The following EHMT1 variants were observed in gnomAD, a reference collection of about 807,000 sequenced individuals.
EHMT1 encodes the protein histone-lysine N-methyltransferase EHMT1.
EHMT1 carries 15 observed loss-of-function variants against 147.2 expected under a neutral mutation model. That is an observed-to-expected ratio of 0.10 (90% CI 0.07 to 0.16). The LOEUF is 0.16. Among genes scored for constraint, EHMT1 ranks in the 10% least tolerant of loss-of-function variants. EHMT1 has a pLI of 1.00. For synonymous variants in EHMT1, 795 were observed against 709.6 expected, an observed-to-expected ratio of 1.12 and a Z score of -1.91; for missense variants, 1,587 against 1,772.4, an observed-to-expected ratio of 0.90 and a Z score of 1.88.
At chr9:137,706,374 TG>T (rs957871942) in intron 1 of EHMT1, among the ~76,000 whole-genome samples, 6 of 152,258 alleles carry the variant, frequency 3.9e-5, no homozygotes, top group African/African-American at 1.4e-4. Flanking sequence ...AACACAATTT[TG>T]TTTTAACTAA....
At chr9:137,740,518 G>A (rs910877145) in intron 4 of EHMT1, among the ~76,000 whole-genome samples, 6 of 152,186 alleles carry the variant, frequency 3.9e-5, no homozygotes, top group Admixed American at 3.9e-4. Context: ...CAGCCGTCTG[G>A]CTCAGGGCCA....
intron 1 of EHMT1, among the ~76,000 whole-genome samples, chr9:137,625,245 C>T (rs1843182342): frequency 6.6e-6 from 1 of 152,218 alleles, no homozygotes; most frequent in Non-Finnish European, 1.5e-5. Flanking sequence ...AGGATCGTTG[C>T]ATCCGTGATT....
In EHMT1 at chr9:137,816,071, C is replaced by G. The variant is rs765227211; in HGVS notation, c.3374+9C>G. The stretch of plus-strand genomic sequence containing the variant: ...GTACAGAATGGTCTCAGGTGAGAGG[C>G]AGCTTCCTGCCGGAGCCCCACATTC... On this transcript the variant is annotated intron_variant, in intron 23 of 26. Transcript: ENST00000460843. The G allele has an allele frequency of 1.4e-5, 23 of 1,604,968 alleles. No homozygotes were observed. Among genetic ancestry groups the G allele is most frequent in the Non-Finnish European group, 1.9e-5 (22 of 1,175,280 alleles).
intron 1 of EHMT1, among the ~76,000 whole-genome samples, chr9:137,707,088 C>G (rs545596937): frequency 6.6e-6 from 1 of 152,252 alleles, no homozygotes; most frequent in Admixed American, 6.5e-5. Flanking sequence ...GCCTCCCAAA[C>G]TGCTGAGATT....
At chr9:137,705,043 A>AGT (rs1944148358) in intron 1 of EHMT1, among the ~76,000 whole-genome samples, 1 of 146,594 alleles carries the variant, frequency 6.8e-6, no homozygotes, top group Non-Finnish European at 1.5e-5. Flanking sequence ...GCTGGAGTGC[A>AGT]GTGGTACAAC....
At chr9:137,724,962 CATGGGG>C (rs1294845025) in intron 3 of EHMT1, among the ~76,000 whole-genome samples, 14 of 145,824 alleles carry the variant, frequency 9.6e-5, no homozygotes, top group African/African-American at 3.1e-4. Context: ...GTGTGGCATT[CATGGGG>C]CATTCGTGTG....
intron 1 of EHMT1, among the ~76,000 whole-genome samples, chr9:137,643,343 T>G (rs972280313): frequency 1.4e-5 from 2 of 147,824 alleles, no homozygotes; most frequent in Non-Finnish European, 3.0e-5. Context: ...AAAGGTTTTT[T>G]TTTTTTTTTT....
rs1482771253 is a variant in EHMT1 at position 137,782,191 on chromosome 9, A to C, written c.2276-100A>C. 4.4e-6 allele frequency: 5 copies of C among 1,147,236 alleles called. No homozygotes were observed. Among genetic ancestry groups the C allele is most frequent in the Non-Finnish European group, 5.1e-6 (4 of 785,508 alleles). 71.1% of individuals were successfully genotyped at this position (1,147,236 alleles called of 1,614,324 possible). A position where few individuals can be genotyped will look rare whatever the true frequency, so the allele number is the denominator to read the frequency against. ...TGGCTCGAGGTGGCTGTTTATGTGG[A>C]GGATGGTCATTTGTGAGTGCTTGCC... On this transcript the variant is annotated intron_variant, in intron 14 of 26. Coordinates refer to ENST00000460843, the MANE Select transcript of EHMT1 (RefSeq NM_024757.5). The surrounding 1 kb of genome is among the most constrained non-coding windows in gnomAD (Gnocchi z 5.7).
intron 14 of EHMT1, among the ~76,000 whole-genome samples, chr9:137,781,800 A>T (rs1951577466): frequency 6.6e-6 from 1 of 152,206 alleles, no homozygotes; most frequent in Non-Finnish European, 1.5e-5. Flanking sequence ...ATTTATGTTG[A>T]CCAGCAGTTT....
At chr9:137,663,375 G>A (rs1939289982) in intron 1 of EHMT1, among the ~76,000 whole-genome samples, 1 of 152,102 alleles carries the variant, frequency 6.6e-6, no homozygotes, top group South Asian at 2.1e-4. Context: ...TGTTGTGAGT[G>A]GTGGGTTAAT....
At chr9:137,774,576 C>T (rs1393662329) in intron 10 of EHMT1, among the ~76,000 whole-genome samples, 1 of 119,636 alleles carries the variant, frequency 8.4e-6, no homozygotes, top group Non-Finnish European at 1.7e-5. Context: ...CACGCCTGCC[C>T]CCTGGATCTG....
In EHMT1 at chr9:137,812,846, C is replaced by T. The variant is rs57119641; in HGVS notation, c.2868-160C>T. On this transcript the variant is annotated intron_variant, in intron 19 of 26. Transcript: ENST00000460843. ...TCATGTTCCTGGGTGAGCTAAAGCC[C>T]GTCTTTGCAGAGTCATTGCTGAGCA... is the stretch of plus-strand genomic sequence containing the variant. Among the ~76,000 whole-genome samples, 13,110 of 152,216 alleles carry T rather than the reference C, an allele frequency of 0.086. 1,871 individuals carry two copies. The highest frequency in any genetic ancestry group is 0.3 in the African/African-American group (12,376 of 41,494).
chr9:137,816,945 G>A (rs1371203711), intron 23 of EHMT1: 2 of 211,060 alleles, frequency 9.5e-6, no homozygotes, highest in Non-Finnish European at 1.9e-5. Context: ...AGATCTACCC[G>A]GCCACCCTCC....
chr9:137,625,061 C>T (rs902908892), intron 1 of EHMT1, among the ~76,000 whole-genome samples: 3 of 151,248 alleles, frequency 2.0e-5, no homozygotes, highest in Admixed American at 6.6e-5. Context: ...TTTGTATTTT[C>T]GGTAGAGATG....
chr9:137,796,663 C>T lies in EHMT1; in HGVS notation c.2506-2150C>T, dbSNP rs564923914. ...CATTGGCAGTGAGCTGAGATCGCAC[C>T]GCTGCACTCCAGCCTGGGCGACAGA... On this transcript the variant is annotated intron_variant, in intron 16 of 26. Coordinates refer to ENST00000460843, the MANE Select transcript of EHMT1 (RefSeq NM_024757.5). Among the ~76,000 whole-genome samples, 12 of 145,322 alleles carry T rather than the reference C, an allele frequency of 8.3e-5. No individual in the cohort carries two copies. The East Asian group carries it at 8.3e-4, about 10-fold the overall frequency.
intron 1 of EHMT1, among the ~76,000 whole-genome samples, chr9:137,627,236 G>A (rs1414672108): frequency 6.7e-6 from 1 of 150,336 alleles, no homozygotes; most frequent in African/African-American, 2.4e-5. Flanking sequence ...AGGATTGTAG[G>A]CATGAACCAC....
At chr9:137,718,763 T>TTTC (rs1221285434) in intron 3 of EHMT1, among the ~76,000 whole-genome samples, 1 of 150,798 alleles carries the variant, frequency 6.6e-6, no homozygotes, top group Non-Finnish European at 1.5e-5. Context: ...TCTTTTTCTT[T>TTTC]TTTTTTTTTT....
chr9:137,671,520 CTTTTTT>C (rs71493689), intron 1 of EHMT1, among the ~76,000 whole-genome samples: 17 of 105,332 alleles, frequency 1.6e-4, no homozygotes, highest in East Asian at 5.7e-4. Context: ...CCTTTTCTTT[CTTTTTT>C]TTTTTTTTTT....
intron 1 of EHMT1, among the ~76,000 whole-genome samples, chr9:137,626,639 T>A (rs1174204654): frequency 6.6e-6 from 1 of 152,162 alleles, no homozygotes; most frequent in Non-Finnish European, 1.5e-5. Flanking sequence ...ACCTTTCCTT[T>A]AGTGTCTCAT....
Sources: allele counts gnomAD v4.1 joint callset (sites outside exome capture counted in the v4.1 genomes callset), GRCh38; gene constraint gnomAD v4.1.1; non-coding constraint Gnocchi (gnomAD v3.1); transcripts MANE v1.5; gene names NCBI Gene and HGNC (gene_info 2026-07-23, HGNC 2026-07-21).